AP2B1: variants seen among roughly 807,000 people sequenced by gnomAD.
AP2B1 encodes the protein AP-2 complex subunit beta.
Under a neutral mutation model 102.0 loss-of-function variants are expected in AP2B1, and 23 were observed. The observed-to-expected ratio is 0.23, with a 90% confidence interval of 0.16 to 0.32. The LOEUF (loss-of-function observed/expected upper bound fraction) is 0.32. Ranked by LOEUF, AP2B1 falls within the 10% of genes least tolerant of loss-of-function variation. The pLI is 1.00. For missense variants in AP2B1, 541 were observed against 1,157.4 expected, an observed-to-expected ratio of 0.47 and a Z score of 7.73; for synonymous variants, 381 against 421.2, an observed-to-expected ratio of 0.90 and a Z score of 1.17.
rs1242769369 is a variant in AP2B1, at chr17:35,725,981, A to C, written c.*2282A>C. 5 of 152,118 alleles carry C rather than the reference A, an allele frequency of 3.3e-5. No individual in the cohort carries two copies. The highest frequency in any genetic ancestry group is 7.3e-5 in the Non-Finnish European group (5 of 68,032). The allele number at this position is 152,118 out of a possible 1,614,324, so 9.4% of individuals were successfully genotyped here. A position where few individuals can be genotyped will look rare whatever the true frequency, so the allele number is the denominator to read the frequency against. Reference sequence around the variant, plus strand: ...CACCCCTGAGCAGAGTTAGGGAGGAATTCTACTTCCCATAAAAGGACCTCT... The same window carrying C: ...CACCCCTGAGCAGAGTTAGGGAGGACTTCTACTTCCCATAAAAGGACCTCT... On this transcript the variant is annotated 3_prime_UTR_variant, in exon 22 of 22. Transcript: ENST00000610402.
At chr17:35,622,375 T>A (rs933836518) in intron 5 of AP2B1, among the ~76,000 whole-genome samples, 10 of 152,184 alleles carry the variant, frequency 6.6e-5, no homozygotes, top group African/African-American at 1.9e-4. Context: ...AGTATATTAT[T>A]TGTTAAATAA....
intron 16 of AP2B1, among the ~76,000 whole-genome samples, chr17:35,672,179 A>G (rs1384754053): frequency 2.0e-5 from 3 of 152,218 alleles, no homozygotes. Context: ...TCAACATTGA[A>G]GTCAATCTAG....
chr17:35,590,690 C>T (rs1382368141), intron 1 of AP2B1, among the ~76,000 whole-genome samples: 1 of 152,104 alleles, frequency 6.6e-6, no homozygotes, highest in Non-Finnish European at 1.5e-5. Flanking sequence ...ATACTTGACC[C>T]TCCTCTCTTC....
chr17:35,608,384 A>T lies in AP2B1; in HGVS notation c.522A>T (p.Pro174=), dbSNP rs1456388580. The change falls in exon 5 of 22, where the codon CCA becomes CCT. Residue 174 remains proline, a synonymous_variant. Transcript: ENST00000610402. The part of the protein sequence containing the change: ...SLRDLIADSN[P]MVVANAVAAL... ...GGGATCTCATAGCAGATTCAAATCC[A>T]ATGGTAATAAGCTTCTGCTTTTACA... 1 of 1,614,202 alleles carries T rather than the reference A, an allele frequency of 6.2e-7. No homozygotes were observed. Among genetic ancestry groups the T allele is most frequent in the Admixed American group, 1.7e-5 (1 of 60,028 alleles).
At chr17:35,640,243 T>A (rs201171060) in intron 11 of AP2B1, among the ~76,000 whole-genome samples, 17,965 of 146,656 alleles carry the variant, frequency 0.12, 1,315 homozygotes, top group East Asian at 0.2. Flanking sequence ...TTTTTTTTTT[T>A]TTTTTTTTTT....
chr17:35,645,060 T>G (rs953622313), intron 12 of AP2B1, among the ~76,000 whole-genome samples: 32 of 151,930 alleles, frequency 2.1e-4, no homozygotes, highest in African/African-American at 7.5e-4. Context: ...AAAAAAAGAA[T>G]AAGTATGCCT....
chr17:35,696,586 G>A (rs1487051885), intron 18 of AP2B1, among the ~76,000 whole-genome samples: 4 of 151,638 alleles, frequency 2.6e-5, no homozygotes, highest in South Asian at 2.1e-4. Context: ...CAGGAGTTTC[G>A]TCATGTTGGC....
chr17:35,638,670 TC>T (rs2074678561), intron 10 of AP2B1, among the ~76,000 whole-genome samples: 2 of 151,496 alleles, frequency 1.3e-5, no homozygotes, highest in South Asian at 2.1e-4. Context: ...GCACCTGTAG[TC>T]CCAGCTACTC....
chr17:35,623,816 A>G (rs1241050795), intron 5 of AP2B1, among the ~76,000 whole-genome samples: 2 of 152,186 alleles, frequency 1.3e-5, no homozygotes, highest in African/African-American at 4.8e-5. Flanking sequence ...ACTAAAACTA[A>G]TCTGTGAGGT....
chr17:35,601,080 A>C, intron 3 of AP2B1: 2 of 841,626 alleles, frequency 2.4e-6, no homozygotes, highest in Non-Finnish European at 2.9e-6. Flanking sequence ...TAGTAAGTAC[A>C]TCAGGCTGGC....
At chr17:35,683,673 G>C (rs587753016) in intron 18 of AP2B1, among the ~76,000 whole-genome samples, 1 of 152,284 alleles carries the variant, frequency 6.6e-6, no homozygotes, top group South Asian at 2.1e-4. Context: ...TAAACCTTCT[G>C]GGCTTCAGGC....
intron 9 of AP2B1, among the ~76,000 whole-genome samples, chr17:35,629,259 T>G (rs1191781675): frequency 6.6e-6 from 1 of 152,176 alleles, no homozygotes; most frequent in Admixed American, 6.5e-5. Flanking sequence ...TGGAGTTTCT[T>G]TAATTGCCTC....
intron 5 of AP2B1, among the ~76,000 whole-genome samples, chr17:35,619,470 C>G (rs954338908): frequency 2.6e-4 from 35 of 136,966 alleles, no homozygotes; most frequent in African/African-American, 9.5e-4. Flanking sequence ...TAGTGAGACC[C>G]TGTTTCTATT....
intron 5 of AP2B1, among the ~76,000 whole-genome samples, chr17:35,615,373 A>G (rs2142473641): frequency 6.6e-6 from 1 of 152,354 alleles, no homozygotes; most frequent in South Asian, 2.1e-4. Context: ...GCTATTCTTG[A>G]GGAAGTGGCC....
chr17:35,604,772 G>A (rs12937370), intron 3 of AP2B1, among the ~76,000 whole-genome samples: 1,583 of 152,096 alleles, frequency 0.01, 27 homozygotes, highest in African/African-American at 0.036. Context: ...AGAAAAAAAA[G>A]GATTCTTAAG....
intron 5 of AP2B1, among the ~76,000 whole-genome samples, chr17:35,618,510 A>G (rs2074086772): frequency 6.6e-6 from 1 of 152,228 alleles, no homozygotes; most frequent in Non-Finnish European, 1.5e-5. Context: ...AAAGTCCTGT[A>G]AATAGTAATT....
intron 20 of AP2B1, among the ~76,000 whole-genome samples, chr17:35,712,835 A>T (rs917569238): frequency 1.3e-4 from 20 of 152,208 alleles, no homozygotes; most frequent in African/African-American, 4.6e-4. Flanking sequence ...AAAATCACAA[A>T]ATACTTATTA....
intron 2 of AP2B1, among the ~76,000 whole-genome samples, chr17:35,596,588 G>A (rs11653357): frequency 0.21 from 32,068 of 150,354 alleles, 3,544 homozygotes; most frequent in East Asian, 0.34. Context: ...GTCATCCCGC[G>A]CCTGCCAGGC....
chr17:35,639,855 G>C (rs745948135), intron 11 of AP2B1, 95 bp downstream of exon 11: 44 of 1,080,392 alleles, frequency 4.1e-5, no homozygotes, highest in Non-Finnish European at 5.9e-5. Context: ...TTCTGTGTCT[G>C]TATTTACATA....
Sources: allele counts gnomAD v4.1 joint callset (sites outside exome capture counted in the v4.1 genomes callset), GRCh38; gene constraint gnomAD v4.1.1; transcripts MANE v1.5; gene names NCBI Gene and HGNC (gene_info 2026-07-23, HGNC 2026-07-21).